TRIM37: variants seen among roughly 807,000 people sequenced by gnomAD.
The protein encoded by TRIM37 is E3 ubiquitin-protein ligase TRIM37.
A neutral mutation model predicts 129.8 loss-of-function variants in TRIM37; 80 were observed. The ratio of observed to expected loss-of-function variants is 0.62; its 90% CI spans 0.51 to 0.74. TRIM37 has a LOEUF of 0.74. Ranked by LOEUF, TRIM37 falls within the 30% of genes least tolerant of loss-of-function variation. The pLI is 0.00. For missense variants in TRIM37, 1,054 were observed against 1,176.5 expected (o/e 0.90, Z 1.52); for synonymous variants, 389 against 387.1 (o/e 1.00, Z -0.06).
At chr17:59,054,378 T>A (rs2040630858) in intron 13 of TRIM37, among the ~76,000 whole-genome samples, 1 of 152,142 alleles carries the variant, frequency 6.6e-6, no homozygotes, top group Non-Finnish European at 1.5e-5. Context: ...CTCGGCTCAC[T>A]GCAACATCTG....
the TRIM37 span, chr17:58,972,756 C>A: frequency 7.8e-7 from 1 of 1,277,730 alleles, no homozygotes; most frequent in Non-Finnish European, 1.1e-6. Context: ...AGTATTATAT[C>A]TGTTGTTTAC....
intron 24 of TRIM37, among the ~76,000 whole-genome samples, chr17:58,985,451 C>T (rs2031714379): frequency 6.6e-6 from 1 of 152,186 alleles, no homozygotes. Flanking sequence ...CCCGACCTGC[C>T]AAGGACTAAG....
intron 12 of TRIM37, among the ~76,000 whole-genome samples, chr17:59,057,625 T>G (rs2041083051): frequency 6.6e-6 from 1 of 152,184 alleles, no homozygotes; most frequent in African/African-American, 2.4e-5. Context: ...CCAGTTCAAG[T>G]GATTCTGCTG....
intron 5 of TRIM37, among the ~76,000 whole-genome samples, chr17:59,081,831 C>T (rs867614395): frequency 4.6e-5 from 7 of 150,666 alleles, no homozygotes; most frequent in African/African-American, 1.2e-4. Flanking sequence ...TGCTTGAACC[C>T]GGGAGGCAGA....
intron 2 of TRIM37, among the ~76,000 whole-genome samples, chr17:59,094,106 G>T (rs1025144123): frequency 6.6e-6 from 1 of 152,066 alleles, no homozygotes; most frequent in Non-Finnish European, 1.5e-5. Context: ...CGTTGGCCAG[G>T]CTAGTCTCCA....
the TRIM37 span, among the ~76,000 whole-genome samples, chr17:58,974,351 C>T: frequency 1.3e-3 from 204 of 152,240 alleles, 4 homozygotes; most frequent in East Asian, 0.035. Flanking sequence ...ATGTGGAATA[C>T]AGTCACCTGT....
chr17:59,041,111 A>C (rs1044249503), intron 17 of TRIM37, among the ~76,000 whole-genome samples: 1 of 152,224 alleles, frequency 6.6e-6, no homozygotes, highest in Admixed American at 6.5e-5. Context: ...TAAAACAGAA[A>C]CAGTAGAAAG....
Position 59,051,286 on chromosome 17 carries a change from G to C in TRIM37, c.1242C>G (p.Asp414Glu). Residue 414 changes from aspartate to glutamate, a missense_variant, in exon 14 of 24, where the codon GAC (aspartate) becomes GAG (glutamate). Physicochemically the swap from Asp to Glu is conservative, Grantham distance 45. This residue lies in a region of TRIM37 where 752 missense variants were observed against 870.8 expected (regional missense o/e 0.86). Coordinates refer to ENST00000262294, the MANE Select transcript of TRIM37 (RefSeq NM_015294.6). ...CCAACTGAGTAATGTACCAATGCTG[G>C]TCCCGGGATTTTTGAAAGAAAGTTG... ...RSPTFFQKSR[D>E]QHWYITQLEA... is the part of the protein sequence containing the mutation. 2 of 1,613,598 alleles carry C rather than the reference G, an allele frequency of 1.2e-6. No homozygotes were observed. Among genetic ancestry groups the C allele is most frequent in the Non-Finnish European group, 1.7e-6 (2 of 1,179,864 alleles).
chr17:59,016,573 G>T (rs1203572203), intron 20 of TRIM37, among the ~76,000 whole-genome samples: 1 of 114,436 alleles, frequency 8.7e-6, no homozygotes, highest in African/African-American at 3.4e-5. Flanking sequence ...GACCAGCCTG[G>T]ACAATGTAGC....
rs1207964235 is a variant in TRIM37 at position 59,091,339 on chromosome 17, C to T, written c.125G>A (p.Arg42His). 7 of 1,551,060 alleles carry T rather than the reference C, an allele frequency of 4.5e-6. No individual in the cohort carries two copies. Among genetic ancestry groups the T allele is most frequent in the Non-Finnish European group, 6.1e-6 (7 of 1,144,508 alleles). ...TTGAGCTCTCTGCTCTGTCAGCCAG[C>T]GCTAAGGGGGCAAAAGATTAGATAT... ...SKLCCFSCIR[R>H]WLTEQRAQCP... The change falls in exon 3 of 24, where the codon CGC (arginine) becomes CAC (histidine). Residue 42 changes from arginine to histidine, a missense_variant and splice_region_variant. Physicochemically the swap from Arg to His is conservative, Grantham distance 29 (BLOSUM62 0). Coordinates refer to ENST00000262294, the MANE Select transcript of TRIM37 (RefSeq NM_015294.6).
chr17:59,042,024 G>A, intron 16 of TRIM37, 126 bp from the exon 17 acceptor site: 1 of 705,454 alleles, frequency 1.4e-6, no homozygotes, highest in Non-Finnish European at 2.4e-6. Context: ...ACAAAAAGGA[G>A]AAAGATTTTT....
At chr17:59,084,408 G>C (rs73319233) in intron 4 of TRIM37, among the ~76,000 whole-genome samples, 3,596 of 152,122 alleles carry the variant, frequency 0.024, 140 homozygotes, top group African/African-American at 0.082. Context: ...TACATTTTGG[G>C]CATGTGCTTA....
At chr17:59,016,709 G>T (rs2035990307) in intron 20 of TRIM37, among the ~76,000 whole-genome samples, 1 of 151,522 alleles carries the variant, frequency 6.6e-6, no homozygotes, top group African/African-American at 2.4e-5. Context: ...CTTTTGTCTG[G>T]GAGGTCAAGG....
intron 22 of TRIM37, among the ~76,000 whole-genome samples, chr17:59,002,439 T>C (rs767266245): frequency 2.6e-5 from 4 of 152,134 alleles, no homozygotes; most frequent in Non-Finnish European, 5.9e-5. Flanking sequence ...CTTGCTATAA[T>C]ATGTTGCCCA....
chr17:58,968,138 A>G, the TRIM37 span, among the ~76,000 whole-genome samples: 3 of 152,070 alleles, frequency 2.0e-5, no homozygotes, highest in African/African-American at 4.8e-5. Context: ...TCCGTCCTTC[A>G]TGTCATTAAA....
intron 19 of TRIM37, among the ~76,000 whole-genome samples, chr17:59,019,293 C>T (rs1347684157): frequency 6.6e-6 from 1 of 152,124 alleles, no homozygotes; most frequent in Non-Finnish European, 1.5e-5. Context: ...TGTAGTACAG[C>T]CATACAATAA....
chr17:59,066,800 T>C (rs1345484020), intron 9 of TRIM37, among the ~76,000 whole-genome samples: 1 of 152,222 alleles, frequency 6.6e-6, no homozygotes, highest in Non-Finnish European at 1.5e-5. Context: ...AGTTACCACA[T>C]TAATTTTATT....
chr17:59,068,001 T>C (rs1269507047), intron 9 of TRIM37, among the ~76,000 whole-genome samples: 1 of 152,238 alleles, frequency 6.6e-6, no homozygotes, highest in Admixed American at 6.5e-5. Flanking sequence ...GAAACACCAC[T>C]GCTTTGCATA....
In TRIM37 at chr17:59,052,753, G is replaced by A. The variant is rs141355139; in HGVS notation, c.1200-1425C>T. Among the ~76,000 whole-genome samples, 29 of 152,142 alleles carry A rather than the reference G, an allele frequency of 1.9e-4. No homozygotes were observed. The East Asian group carries it at 4.4e-3, about 23-fold the overall frequency. On this transcript the variant is annotated intron_variant, in intron 13 of 23. Transcript: ENST00000262294. ...GCAGATCACCTAAGGTCAGGAGTTC[G>A]AGACCAGCGTGGCCAACATGGTGAA... is the stretch of plus-strand genomic sequence containing the variant.
Sources: gnomAD v4.1 joint callset for allele counts (sites outside exome capture counted in the v4.1 genomes callset) on GRCh38, gnomAD v4.1.1 for gene constraint, gnomAD v4.1.1 regional missense constraint, MANE v1.5 for transcripts, NCBI Gene and HGNC (gene_info 2026-07-23, HGNC 2026-07-21) for gene names.